The following PXK variants were observed in gnomAD, a reference collection of about 807,000 sequenced individuals.
The protein encoded by PXK is PX domain containing serine/threonine kinase like.
Under a neutral mutation model 84.7 loss-of-function variants are expected in PXK, and 35 were observed. The ratio of observed to expected loss-of-function variants is 0.41; its 90% CI spans 0.32 to 0.55. The LOEUF (loss-of-function observed/expected upper bound fraction) is 0.55, where lower values mean the gene tolerates loss of function less well. Ranked by LOEUF, PXK falls within the 20% of genes least tolerant of loss-of-function variation. PXK has a pLI of 0.21. For missense variants in PXK, 634 were observed against 699.7 expected, an observed-to-expected ratio of 0.91 and a Z score of 1.06; for synonymous variants, 253 against 260.8, an observed-to-expected ratio of 0.97 and a Z score of 0.29.
intron 1 of PXK, among the ~76,000 whole-genome samples, chr3:58,347,416 A>G (rs2097844549): frequency 6.6e-6 from 1 of 152,158 alleles, no homozygotes; most frequent in Non-Finnish European, 1.5e-5. Context: ...CCTGGGAACT[A>G]CTGATCTGCT....
At chr3:58,403,837 T>A in intron 12 of PXK, 25 bp from the exon 13 acceptor site, 1 of 1,502,480 alleles carries the variant, frequency 6.7e-7, no homozygotes, top group Non-Finnish European at 9.0e-7. Flanking sequence ...CAAGAAAGAT[T>A]TTTGTTTGTT....
rs758239724 is a variant in PXK, at chr3:58,370,391, G to A, written c.201+913G>A. On this transcript the variant is annotated intron_variant, in intron 3 of 17. Transcript: ENST00000356151. This position sits in a 1 kb window ranked among gnomAD's most constrained non-coding sequence, Gnocchi z 4.2. ...ACCTTAGGAAGTCCTGCCAATACCC[G>A]CCATGTCTTCACTTGGCAGGCTGGT... 4.3e-4 allele frequency among the ~76,000 whole-genome samples: 66 copies of A among 152,176 alleles called. 1 individual carries two copies. The highest frequency in any genetic ancestry group is 2.6e-4 in the Admixed American group (4 of 15,290).
intron 1 of PXK, among the ~76,000 whole-genome samples, chr3:58,347,653 T>G (rs1269189580): frequency 6.6e-6 from 1 of 152,194 alleles, no homozygotes; most frequent in Non-Finnish European, 1.5e-5. Flanking sequence ...ATTTCCAGTT[T>G]GGGGCTATTA....
intron 17 of PXK, chr3:58,423,328 A>G (rs1416273400): frequency 4.8e-6 from 7 of 1,449,090 alleles, no homozygotes; most frequent in Admixed American, 2.3e-5. Flanking sequence ...TTCATTCATC[A>G]GTTGTTATTG....
chr3:58,418,911 G>GAATAAGAGAAAAGGCATACAAGTTTATTT (rs1187373491), intron 17 of PXK, among the ~76,000 whole-genome samples: 1 of 152,138 alleles, frequency 6.6e-6, no homozygotes, highest in Non-Finnish European at 1.5e-5. Flanking sequence ...CAAAACAGAT[G>GAATAAGAGAAAAGGCATACAAGTTTATTT]AATAAGAGAA....
At chr3:58,422,403 G>A in intron 17 of PXK, 12 of 985,394 alleles carry the variant, frequency 1.2e-5, no homozygotes, top group Non-Finnish European at 1.4e-5. Flanking sequence ...AGCCCCACCG[G>A]ACTGCTCCAG....
In PXK at chr3:58,421,406, C is replaced by A. The variant is rs1441074252; in HGVS notation, c.1529-3346C>A. The stretch of plus-strand genomic sequence containing the variant: ...GACCAACCTGGCCAACATGGTGAAA[C>A]CCCATCTGTACTAAAAATACAAAAA... On this transcript the variant is annotated intron_variant, in intron 17 of 17. Coordinates refer to ENST00000356151, the MANE Select transcript of PXK (RefSeq NM_017771.5). This position sits in a 1 kb window ranked among gnomAD's most constrained non-coding sequence, Gnocchi z 5.5. 9 of 854,464 alleles carry A rather than the reference C, an allele frequency of 1.1e-5. No homozygotes were observed. The highest frequency in any genetic ancestry group is 1.1e-4 in the South Asian group (2 of 18,606). 52.9% of individuals were successfully genotyped at this position (854,464 alleles called of 1,614,324 possible).
chr3:58,369,652 C>T (rs531142543), intron 3 of PXK, among the ~76,000 whole-genome samples, 174 bp downstream of exon 3: 47 of 152,152 alleles, frequency 3.1e-4, no homozygotes, highest in African/African-American at 1.1e-3. Context: ...TGGAGAAACC[C>T]CATCTCTACT....
At position 58,399,359 on chromosome 3, in the gene PXK, C is replaced by G. The variant is rs2058217178; in HGVS notation, c.1163C>G (p.Ser388Cys). 1.2e-6 allele frequency: 2 copies of G among 1,613,836 alleles called. No individual in the cohort carries two copies. The highest frequency in any genetic ancestry group is 1.7e-6 in the Non-Finnish European group (2 of 1,179,708). ...TGTAAAAATGGCATGCCTACCATCT[C>G]CCGGCTCTTACAGATGCCGTAAGTC... Reference protein sequence around the residue: ...EACKNGMPTISRLLQMPLFSD... With the variant: ...EACKNGMPTICRLLQMPLFSD... Residue 388 changes from serine to cysteine, a missense_variant, in exon 12 of 18, where the codon TCC (serine) becomes TGC (cysteine). By Grantham distance (112) the Ser-to-Cys change is moderately radical. Transcript: ENST00000356151. The surrounding 1 kb of genome is among the most constrained non-coding windows in gnomAD (Gnocchi z 4.3).
chr3:58,369,352 A>T, intron 2 of PXK, 79 bp from the exon 3 acceptor site: 1 of 1,152,598 alleles, frequency 8.7e-7, no homozygotes, highest in Non-Finnish European at 1.3e-6. Flanking sequence ...CAATATTACT[A>T]ATTCTAATAC....
At chr3:58,395,531 C>G in intron 8 of PXK, 127 bp from the exon 9 acceptor site, 1 of 695,596 alleles carries the variant, frequency 1.4e-6, no homozygotes, top group Non-Finnish European at 2.5e-6. Flanking sequence ...ATTTTAAAAA[C>G]TCACATCTTG....
At chr3:58,423,136 T>A in intron 17 of PXK, 1 of 985,318 alleles carries the variant, frequency 1.0e-6, no homozygotes, top group Non-Finnish European at 1.2e-6. Context: ...CCCCTCCTCC[T>A]GGTATTTCAC....
At chr3:58,403,266 A>G (rs769101109) in intron 12 of PXK, among the ~76,000 whole-genome samples, 1 of 152,154 alleles carries the variant, frequency 6.6e-6, no homozygotes, top group Non-Finnish European at 1.5e-5. Context: ...CAGCCTCACA[A>G]AGTGCTGGGA....
intron 17 of PXK, chr3:58,422,123 C>T (rs550546930): frequency 1.0e-6 from 1 of 985,308 alleles, no homozygotes; most frequent in South Asian, 4.7e-5. Context: ...TAGCTGAAGC[C>T]CCAACGGACC....
At chr3:58,349,905 T>G (rs1188747385) in intron 1 of PXK, among the ~76,000 whole-genome samples, 1 of 152,192 alleles carries the variant, frequency 6.6e-6, no homozygotes, top group East Asian at 1.9e-4. Context: ...GGATAGAACC[T>G]GCTAGCCCTG....
rs1171203481 is a variant in PXK, at chr3:58,360,495, C to A, written c.103-5379C>A. On this transcript the variant is annotated intron_variant, in intron 1 of 17. Transcript: ENST00000356151. ...ACCGTGAGTAATGCCTATATGATAC[C>A]ACTCAAAGTTAGTAAAACAGGCTGG... is the stretch of plus-strand genomic sequence containing the variant. Among the ~76,000 whole-genome samples, 3 of 151,982 alleles carry A rather than the reference C, an allele frequency of 2.0e-5. No individual in the cohort carries two copies. The East Asian group carries it at 5.8e-4, about 29-fold the overall frequency.
In PXK at chr3:58,338,171, GTC is replaced by G. The variant is rs946462873; in HGVS notation, c.102+5085_102+5086del. Among the ~76,000 whole-genome samples, 78 of 151,874 alleles carry G rather than the reference GTC, an allele frequency of 5.1e-4. 1 individual carries two copies. The highest frequency in any genetic ancestry group is 2.2e-3 in the Admixed American group (33 of 15,234). ...AGCCTGACCAGCATGGTAAAACTCA[GTC>G]TCTACTAAAAATACAAAATTAGCTG... On this transcript the variant is annotated intron_variant, in intron 1 of 17. Coordinates refer to ENST00000356151, the MANE Select transcript of PXK (RefSeq NM_017771.5).
intron 17 of PXK, chr3:58,413,271 T>C (rs2060474471): frequency 2.4e-6 from 1 of 421,540 alleles, no homozygotes; most frequent in South Asian, 2.5e-5. Context: ...GGTACATGCT[T>C]AGCTGAACAA....
At chr3:58,388,413 A>ATTT (rs1378465720) in intron 4 of PXK, among the ~76,000 whole-genome samples, 4 of 152,166 alleles carry the variant, frequency 2.6e-5, no homozygotes, top group Non-Finnish European at 5.9e-5. Flanking sequence ...TTAGAGAATT[A>ATTT]TTTTTCATGC....
Sources: gnomAD v4.1 joint callset for allele counts (sites outside exome capture counted in the v4.1 genomes callset) on GRCh38, gnomAD v4.1.1 for gene constraint, Gnocchi (gnomAD v3.1) non-coding constraint, MANE v1.5 for transcripts, NCBI Gene and HGNC (gene_info 2026-07-23, HGNC 2026-07-21) for gene names.